The following ZNF142 variants were observed in gnomAD, a reference collection of about 807,000 sequenced individuals.
ZNF142 encodes the protein zinc finger protein 142.
Under a neutral mutation model 132.1 loss-of-function variants are expected in ZNF142, and 96 were observed. The observed-to-expected ratio is 0.73, with a 90% confidence interval of 0.62 to 0.86. The LOEUF is 0.86. Among genes scored for constraint, ZNF142 ranks in the 40% least tolerant of loss-of-function variants. The probability of loss-of-function intolerance (pLI) is 0.00; values close to 1 mark genes in which losing one functional copy is unlikely to be tolerated. For synonymous variants in ZNF142, 842 were observed against 890.1 expected (o/e 0.95, Z 0.96); for missense variants, 2,163 against 2,336.2 (o/e 0.93, Z 1.53).
chr2:218,640,557 T>G, intron 10 of ZNF142, 107 bp downstream of exon 10: 8 of 957,012 alleles, frequency 8.4e-6, no homozygotes, highest in Non-Finnish European at 1.3e-5. Context: ...ACTCCCAATG[T>G]GAAATTGATG....
At chr2:218,650,982 T>C (rs1937929141) in intron 5 of ZNF142, among the ~76,000 whole-genome samples, 1 of 137,034 alleles carries the variant, frequency 7.3e-6, no homozygotes, top group Admixed American at 8.1e-5. Context: ...TTCCTTTCTT[T>C]ACTTCTTTTT....
chr2:218,634,082 T>C lies in ZNF142; in HGVS notation c.*4257A>G, dbSNP rs375453995. On this transcript the variant is annotated 3_prime_UTR_variant, in exon 11 of 11. Transcript: ENST00000411696. This position sits in a 1 kb window ranked among gnomAD's most constrained non-coding sequence, Gnocchi z 4.0. ...TGGGAGATTCCACCCCACTTCCATC[T>C]CCCTCTCTATACCCTTTTACAGGCA... 6.3e-7 allele frequency: 1 copy of C among 1,588,488 alleles called. No homozygotes were observed. Among genetic ancestry groups the C allele is most frequent in the Non-Finnish European group, 8.6e-7 (1 of 1,167,384 alleles).
In ZNF142 at chr2:218,636,053, C is replaced by T; in HGVS notation, c.*2286G>A. ...TCCCCACATGGGAGGCAGTGTGGAA[C>T]AGTACAAAGAATCCTGGCTCTTCAC... On this transcript the variant is annotated 3_prime_UTR_variant, in exon 11 of 11. Coordinates refer to ENST00000411696, the MANE Select transcript of ZNF142 (RefSeq NM_001379659.1). 5 of 1,484,290 alleles carry T rather than the reference C, an allele frequency of 3.4e-6. No individual in the cohort carries two copies. The highest frequency in any genetic ancestry group is 3.7e-6 in the Non-Finnish European group (4 of 1,087,546). 91.9% of individuals were successfully genotyped at this position (1,484,290 alleles called of 1,614,324 possible). A position where few individuals can be genotyped will look rare whatever the true frequency, so the allele number is the denominator to read the frequency against.
chr2:218,646,600 T>C (rs1030058557), intron 7 of ZNF142, among the ~76,000 whole-genome samples: 1 of 152,106 alleles, frequency 6.6e-6, no homozygotes, highest in African/African-American at 2.4e-5. Context: ...TTTTTTTAAA[T>C]TGAGACAGAG....
chr2:218,651,737 CAG>C lies in ZNF142; in HGVS notation c.842_843del (p.Ser281CysfsTer38). The C allele has an allele frequency of 7.8e-7, 1 of 1,289,446 alleles. No individual in the cohort carries two copies. Among genetic ancestry groups the C allele is most frequent in the Non-Finnish European group, 1.0e-6 (1 of 988,682 alleles). The allele number at this position is 1,289,446 out of a possible 1,614,324, so 79.9% of individuals were successfully genotyped here. A position where few individuals can be genotyped will look rare whatever the true frequency, so the allele number is the denominator to read the frequency against. ...TCCTGGGATGGAAGGCCCTGAACGG[CAG>C]AAAGTTCTCCCTGTGTCCCAGCACC... ...SHGAGTQGELSAVQGLPSQEL... is the reference protein window; with the variant it reads ...SHGAGTQGELXAVQGLPSQEL... On this transcript the variant is annotated frameshift_variant, in exon 5 of 11. Coordinates refer to ENST00000411696, the MANE Select transcript of ZNF142 (RefSeq NM_001379659.1). LOFTEE classifies it high-confidence loss of function.
Position 218,634,906 on chromosome 2 carries a change from AATATAAAGTTCTTAC to A in ZNF142, c.*3418_*3432del, listed in dbSNP as rs1184169656. 2.0e-5 allele frequency among the ~76,000 whole-genome samples: 3 copies of A among 152,138 alleles called. No individual in the cohort carries two copies. The highest frequency in any genetic ancestry group is 2.9e-5 in the Non-Finnish European group (2 of 68,012). ...CAGGGTTATAAGGAGTATAACAGTT[AATATAAAGTTCTTAC>A]AATTCCTGGCACACAGGAAGTGCTA... On this transcript the variant is annotated 3_prime_UTR_variant, in exon 11 of 11. Transcript: ENST00000411696. This position sits in a 1 kb window ranked among gnomAD's most constrained non-coding sequence, Gnocchi z 4.0.
In ZNF142 at chr2:218,643,177, G is replaced by A. The variant is rs756519082; in HGVS notation, c.3939C>T (p.Cys1313=). Residue 1313 remains cysteine (C), a synonymous_variant, in exon 9 of 11, where the codon TGC becomes TGT. Coordinates refer to ENST00000411696, the MANE Select transcript of ZNF142 (RefSeq NM_001379659.1). ...RFSCPTCPFS[C]QQERALRTHQ... is the part of the protein sequence containing the mutation. ...GAGTCCTCAGAGCCCGTTCCTGCTGGCAGCTAAAGGGACATGTAGGGCAGG... is the reference window on the plus strand; with the variant it reads ...GAGTCCTCAGAGCCCGTTCCTGCTGACAGCTAAAGGGACATGTAGGGCAGG... 1.9e-6 allele frequency: 3 copies of A among 1,614,232 alleles called. No individual in the cohort carries two copies. Among genetic ancestry groups the A allele is most frequent in the East Asian group, 2.2e-5 (1 of 44,886 alleles).
chr2:218,643,708 C>T lies in ZNF142; in HGVS notation c.3408G>A (p.Leu1136=), dbSNP rs1352879643. 1 of 1,597,814 alleles carries T rather than the reference C, an allele frequency of 6.3e-7. No homozygotes were observed. The highest frequency in any genetic ancestry group is 1.3e-5 in the African/African-American group (1 of 74,176). Residue 1136 remains leucine, a synonymous_variant, in exon 9 of 11, where the codon CTG becomes CTA. Coordinates refer to ENST00000411696, the MANE Select transcript of ZNF142 (RefSeq NM_001379659.1). ...GCTCCAAAGGAGCATCTTTTGGAAG[C>T]AGTAGCTCTGCTTCTTGTGATGCAG... ...PPPASQEAEL[L]LPKDAPLELP...
intron 4 of ZNF142, among the ~76,000 whole-genome samples, chr2:218,654,055 C>T (rs914212139): frequency 3.3e-5 from 5 of 151,972 alleles, no homozygotes; most frequent in Admixed American, 1.3e-4. Context: ...CCCTATGTTG[C>T]CCATTCTAAA....
chr2:218,645,336 C>G (rs1041188499), intron 8 of ZNF142, among the ~76,000 whole-genome samples: 1 of 152,176 alleles, frequency 6.6e-6, no homozygotes, highest in Non-Finnish European at 1.5e-5. Context: ...GTTCTAAGCC[C>G]TATTCTGTAC....
chr2:218,638,482 G>T lies in ZNF142; in HGVS notation c.5521C>A (p.Arg1841Ser), dbSNP rs556643601. 72 of 1,600,744 alleles carry T rather than the reference G, an allele frequency of 4.5e-5. 1 individual carries two copies. The Middle Eastern group carries it at 5.0e-4, about 11-fold the overall frequency. The change falls in exon 11 of 11, where the codon CGC (arginine) becomes AGC (serine). Residue 1841 changes from arginine (R) to serine (S), a missense_variant. Physicochemically the swap from Arg to Ser is moderately radical, Grantham distance 110. Around this residue, in one of 7 missense-constraint regions of ZNF142, gnomAD observed 325 missense variants for 367.8 expected, o/e 0.88. Transcript: ENST00000411696. ...KQKFQVVKHV[R>S]RHHPDQADPN... ...TCGGCTTGGTCAGGGTGGTGCCTGCGTACGTGCTTGACCACCTGGAACTTT... is the reference window on the plus strand; with the variant it reads ...TCGGCTTGGTCAGGGTGGTGCCTGCTTACGTGCTTGACCACCTGGAACTTT...
chr2:218,649,089 C>T lies in ZNF142; in HGVS notation c.1419G>A (p.Lys473=), dbSNP rs1335808052. The T allele has an allele frequency of 1.2e-6, 2 of 1,613,996 alleles. No homozygotes were observed. Among genetic ancestry groups the T allele is most frequent in the South Asian group, 2.2e-5 (2 of 91,086 alleles). ...CTGCTGCGGCTGCTGCCGTGTGGCT[C>T]TTGAGGTGCTCCTTTAGGGCCTGGC... ...RLSQALKEHL[K]SHTAAAAAEP... The change falls in exon 7 of 11, where the codon AAG becomes AAA. Residue 473 remains lysine, a synonymous_variant. Coordinates refer to ENST00000411696, the MANE Select transcript of ZNF142 (RefSeq NM_001379659.1).
chr2:218,644,287 T>G lies in ZNF142; in HGVS notation c.2829A>C (p.Glu943Asp). The change falls in exon 9 of 11, where the codon GAA becomes GAC. Residue 943 changes from glutamate (E) to aspartate (D), a missense_variant. Glu to Asp is a conservative substitution (Grantham distance 45). Transcript: ENST00000411696. This position sits in a 1 kb window ranked among gnomAD's most constrained non-coding sequence, Gnocchi z 4.6. ...CACTCAAGTCAGAAGTCCCAATACC[T>G]TCAAAGCTAGATAGCTCTGGTCCTT... is the stretch of plus-strand genomic sequence containing the variant. Reference protein sequence around the residue: ...GLEGPELSSFEGIGTSDLSAE... With the variant: ...GLEGPELSSFDGIGTSDLSAE... The G allele has an allele frequency of 6.2e-7, 1 of 1,614,100 alleles. No individual in the cohort carries two copies. The highest frequency in any genetic ancestry group is 8.5e-7 in the Non-Finnish European group (1 of 1,180,002).
Position 218,635,738 on chromosome 2 carries a change from G to C in ZNF142, c.*2601C>G, listed in dbSNP as rs1017891986. On this transcript the variant is annotated 3_prime_UTR_variant, in exon 11 of 11. Transcript: ENST00000411696. ...TTCTTCTCCCCTGGGGTTGGGAGTAGGGTCGGGTGGGGCTGGGCTGAGCAG... is the reference window on the plus strand; with the variant it reads ...TTCTTCTCCCCTGGGGTTGGGAGTACGGTCGGGTGGGGCTGGGCTGAGCAG... 1.9e-6 allele frequency: 3 copies of C among 1,568,256 alleles called. No homozygotes were observed. In the African/African-American group the frequency reaches 4.1e-5, roughly 21 times the overall value.
At chr2:218,641,806 A>G (rs1338341607) in intron 9 of ZNF142, among the ~76,000 whole-genome samples, 1 of 151,648 alleles carries the variant, frequency 6.6e-6, no homozygotes, top group Non-Finnish European at 1.5e-5. Context: ...CAAAGTGTTA[A>G]GATTACAGGC....
chr2:218,656,126 G>A, intron 4 of ZNF142, 24 bp downstream of exon 4: 2 of 1,490,848 alleles, frequency 1.3e-6, no homozygotes, highest in East Asian at 2.4e-5. Flanking sequence ...TGTCCCACTG[G>A]CCTGCTTGCA....
In ZNF142 at chr2:218,644,449, C is replaced by T; in HGVS notation, c.2667G>A (p.Glu889=). Residue 889 remains glutamate (E), a synonymous_variant, in exon 9 of 11, where the codon GAG becomes GAA. Transcript: ENST00000411696. The surrounding 1 kb of genome is among the most constrained non-coding windows in gnomAD (Gnocchi z 4.6). ...CTAGGTGTAGTGTGCAGCTGCCCTC[C>T]TCCACCTCTGCTGGGCTGGGACTGC... ...LGGSPSPAEV[E]EGSCTLHLEA... 6.2e-7 allele frequency: 1 copy of T among 1,614,062 alleles called. No homozygotes were observed. Among genetic ancestry groups the T allele is most frequent in the Non-Finnish European group, 8.5e-7 (1 of 1,180,010 alleles).
rs1193422458 is a variant in ZNF142 at position 218,650,432 on chromosome 2, T to C, written c.975A>G (p.Lys325=). 1 of 1,614,094 alleles carries C rather than the reference T, an allele frequency of 6.2e-7. No homozygotes were observed. Among genetic ancestry groups the C allele is most frequent in the Non-Finnish European group, 8.5e-7 (1 of 1,180,042 alleles). ...CCTTCTGGGTGTCACTCTTCTCTTC[T>C]TTCTCTACATTCTCCTCTTCAGCTG... ...QETAEEENVE[K]EEKSDTQKDS... Residue 325 remains lysine (K), a synonymous_variant, in exon 6 of 11, where the codon AAA becomes AAG. Transcript: ENST00000411696.
At position 218,643,584 on chromosome 2, in the gene ZNF142, T is replaced by G. The variant is rs758301004; in HGVS notation, c.3532A>C (p.Lys1178Gln). Residue 1178 changes from lysine (K) to glutamine (Q), a missense_variant, in exon 9 of 11, where the codon AAG (lysine) becomes CAG (glutamine). Lys to Gln is a moderately conservative substitution (Grantham distance 53). Around this residue, in one of 7 missense-constraint regions of ZNF142, gnomAD observed 809 missense variants for 801.7 expected, o/e 1.01. Coordinates refer to ENST00000411696, the MANE Select transcript of ZNF142 (RefSeq NM_001379659.1). ...GGAGGGACTGGGTCAAAGCAGTGCT[T>G]CTTAGGGGCCTCTGTGGGCAAGGAG... is the stretch of plus-strand genomic sequence containing the variant. ...GNSLPTEAPK[K>Q]HCFDPVPPAG... 6.3e-7 allele frequency: 1 copy of G among 1,578,916 alleles called. No homozygotes were observed. The highest frequency in any genetic ancestry group is 1.2e-5 in the South Asian group (1 of 85,470).
Sources: gnomAD v4.1 joint callset for allele counts (sites outside exome capture counted in the v4.1 genomes callset) on GRCh38, gnomAD v4.1.1 for gene constraint, gnomAD v4.1.1 regional missense constraint, Gnocchi (gnomAD v3.1) non-coding constraint, MANE v1.5 for transcripts, NCBI Gene and HGNC (gene_info 2026-07-23, HGNC 2026-07-21) for gene names.